The following USP9X variants were observed in gnomAD, a reference collection of about 807,000 sequenced individuals.
The protein encoded by USP9X is ubiquitin carboxyl-terminal hydrolase 9X.
In USP9X, 7 loss-of-function variants were observed where a neutral mutation model predicts 190.3. The observed-to-expected ratio is 0.04, with a 90% CI of 0.02 to 0.07. USP9X has a LOEUF of 0.07. USP9X is among the 10% of genes least tolerant of loss of function. USP9X has a pLI of 1.00. For synonymous variants in USP9X, 645 were observed against 659.5 expected, an observed-to-expected ratio of 0.98 and a Z score of 0.34; for missense variants, 1,010 against 1,916.9, an observed-to-expected ratio of 0.53 and a Z score of 8.83.
rs1394718832 is a variant in USP9X at position 41,189,487 on chromosome X, T to C, written c.3977+12T>C. ...CACTGTCACAGCAAGTAAGTATCTT[T>C]TTTAATTGTAAGAAACTTACTTTTT... On this transcript the variant is annotated intron_variant, in intron 26 of 44. Coordinates refer to ENST00000378308, the MANE Select transcript of USP9X (RefSeq NM_001039591.3). The C allele has an allele frequency of 5.0e-5, 59 of 1,175,764 alleles. No homozygotes were observed. The highest frequency in any genetic ancestry group is 6.5e-5 in the Non-Finnish European group (57 of 876,942).
In USP9X at chrX:41,156,759, G is replaced by A. The variant is rs150096147; in HGVS notation, c.1897+3678G>A. Among the ~76,000 whole-genome samples, 6 of 112,038 alleles carry A rather than the reference G, an allele frequency of 5.4e-5. No homozygotes were observed. The East Asian group carries it at 1.7e-3, about 31-fold the overall frequency. On this transcript the variant is annotated intron_variant, in intron 14 of 44. Transcript: ENST00000378308. Reference sequence around the variant, plus strand: ...GAGAGAGAAGGTGTGAGGATGCTGTGCTCAGCAGTTGTGCTTGAAGGGACC... The same window carrying A: ...GAGAGAGAAGGTGTGAGGATGCTGTACTCAGCAGTTGTGCTTGAAGGGACC...
chrX:41,115,243 A>T (rs950248423), intron 1 of USP9X, among the ~76,000 whole-genome samples: 1 of 37,979 alleles, frequency 2.6e-5, no homozygotes, highest in African/African-American at 6.5e-5. Flanking sequence ...AAAGAAAAAG[A>T]AAAAAAAAAA....
rs764593855 is a variant in USP9X, at chrX:41,143,356, T to C, written c.1227T>C (p.Tyr409=). The stretch of plus-strand genomic sequence containing the variant: ...GAGATAGTCTTCATCAGCCACAGTA[T>C]GTAGAAAAGTTAGAGAAGATTCTTC... ...VLRDSLHQPQ[Y]VEKLEKILRF... Residue 409 remains tyrosine, a synonymous_variant, in exon 10 of 45, where the codon TAT becomes TAC. Transcript: ENST00000378308. 86 of 1,203,067 alleles carry C rather than the reference T, an allele frequency of 7.1e-5. No individual in the cohort carries two copies. The highest frequency in any genetic ancestry group is 1.7e-5 in the African/African-American group (1 of 57,155).
intron 9 of USP9X, 126 bp from the exon 10 acceptor site, chrX:41,143,162 ATAT>A (rs1252077852): frequency 2.2e-6 from 1 of 462,631 alleles, no homozygotes; most frequent in Non-Finnish European, 3.2e-6. Flanking sequence ...ACACATAAGT[ATAT>A]TTTACCAGTA....
chrX:41,164,013 C>T (rs1397044363), intron 15 of USP9X, among the ~76,000 whole-genome samples: 2 of 111,267 alleles, frequency 1.8e-5, no homozygotes, highest in African/African-American at 6.5e-5. Flanking sequence ...ACTGGGACTA[C>T]AGGCATGCGC....
Position 41,123,708 on chromosome X carries a change from C to T in USP9X, c.80C>T (p.Pro27Leu), listed in dbSNP as rs200078810. 1 of 1,211,137 alleles carries T rather than the reference C, an allele frequency of 8.3e-7. No homozygotes were observed. Among genetic ancestry groups the T allele is most frequent in the Non-Finnish European group, 1.1e-6 (1 of 895,091 alleles). ...GCTCCTGATGGACAGTCTCAGCCCC[C>T]CCTCCAACAGAATCAGGTAGGATGT... ...GQAPDGQSQP[P>L]LQQNQTSSPD... The change falls in exon 2 of 45, where the codon CCC (proline) becomes CTC (leucine). Residue 27 changes from proline (P) to leucine (L), a missense_variant. Coordinates refer to ENST00000378308, the MANE Select transcript of USP9X (RefSeq NM_001039591.3).
At chrX:41,192,415 T>C (rs1055726628) in intron 26 of USP9X, among the ~76,000 whole-genome samples, 1 of 108,733 alleles carries the variant, frequency 9.2e-6, no homozygotes, top group Non-Finnish European at 1.9e-5. Flanking sequence ...TTAAATTCTT[T>C]TAGATAAACG....
Position 41,166,217 on chromosome X carries a change from A to G in USP9X, c.2328+3A>G, listed in dbSNP as rs1415791249. 8.8e-7 allele frequency: 1 copy of G among 1,141,936 alleles called. No individual in the cohort carries two copies. The highest frequency in any genetic ancestry group is 1.2e-6 in the Non-Finnish European group (1 of 851,961). The allele number at this position is 1,141,936 out of a possible 1,213,427, so 94.1% of individuals were successfully genotyped here. The stretch of plus-strand genomic sequence containing the variant: ...TAGGATTAGATTACCTTTGGAGGGT[A>G]AGTCAAAAGTAGGAACTCTGTAAAT... On this transcript the variant is annotated splice_donor_region_variant and intron_variant, in intron 16 of 44. Transcript: ENST00000378308.
At chrX:41,188,172 A>G in intron 25 of USP9X, 55 bp downstream of exon 25, 1 of 1,085,051 alleles carries the variant, frequency 9.2e-7, no homozygotes, top group South Asian at 2.5e-5. Flanking sequence ...TTAATTGTGC[A>G]TGTGGTTTGA....
chrX:41,154,884 A>G (rs766111080), intron 14 of USP9X, among the ~76,000 whole-genome samples: 28 of 111,525 alleles, frequency 2.5e-4, no homozygotes, highest in Non-Finnish European at 4.1e-4. Context: ...GTCTGGAGAT[A>G]GTTAAATATG....
intron 14 of USP9X, among the ~76,000 whole-genome samples, chrX:41,159,881 G>GTCTCCCTTT (rs1328486559): frequency 1.8e-5 from 2 of 110,890 alleles, no homozygotes; most frequent in African/African-American, 6.6e-5. Context: ...AAAGGGAGAG[G>GTCTCCCTTT]GTGGTTTGTA....
Position 41,199,138 on chromosome X carries a change from C to T in USP9X, c.4603+388C>T, listed in dbSNP as rs776186231. 6.4e-5 allele frequency among the ~76,000 whole-genome samples: 7 copies of T among 109,903 alleles called. 1 individual carries two copies. The highest frequency in any genetic ancestry group is 2.9e-4 in the East Asian group (1 of 3,442). On this transcript the variant is annotated intron_variant, in intron 30 of 44. Transcript: ENST00000378308. ...GGTGGAGGTTGCAGTGAGCCGAGAT[C>T]GCGCCACTGCACTCCATCCTGGGTG...
intron 1 of USP9X, among the ~76,000 whole-genome samples, chrX:41,099,425 T>G (rs769528292): frequency 9.0e-6 from 1 of 111,085 alleles, no homozygotes; most frequent in South Asian, 3.8e-4. Context: ...TTGTACCAGT[T>G]TAAACTCCTA....
At chrX:41,099,478 T>C (rs373729344) in intron 1 of USP9X, among the ~76,000 whole-genome samples, 1 of 111,354 alleles carries the variant, frequency 9.0e-6, no homozygotes, top group Non-Finnish European at 1.9e-5. Context: ...ATACTTAGTA[T>C]TATTATCAGT....
At chrX:41,086,249 G>T in intron 1 of USP9X, 140 bp downstream of exon 1, 1 of 279,397 alleles carries the variant, frequency 3.6e-6, no homozygotes, top group Non-Finnish European at 6.3e-6. Flanking sequence ...GGGCTTCCCC[G>T]TTCCCCCTCC....
At chrX:41,192,595 A>G (rs1226951109) in intron 26 of USP9X, among the ~76,000 whole-genome samples, 1 of 111,742 alleles carries the variant, frequency 8.9e-6, no homozygotes, top group Non-Finnish European at 1.9e-5. Context: ...GTCAAGGATA[A>G]TACTGTACAG....
Position 41,235,884 on chromosome X carries a change from C to T in USP9X, c.*3360C>T, listed in dbSNP as rs1248947449. 1 of 111,910 alleles carries T rather than the reference C, an allele frequency of 8.9e-6. No homozygotes were observed. Among genetic ancestry groups the T allele is most frequent in the African/African-American group, 3.2e-5 (1 of 30,793 alleles). The allele number at this position is 111,910 out of a possible 1,213,427, so 9.2% of individuals were successfully genotyped here. On this transcript the variant is annotated 3_prime_UTR_variant, in exon 45 of 45. Coordinates refer to ENST00000378308, the MANE Select transcript of USP9X (RefSeq NM_001039591.3). The stretch of plus-strand genomic sequence containing the variant: ...AAGATGAGGAGACTTTTTTGACTTA[C>T]ATTTGTAAATGAAAACAAGTCTGTG...
chrX:41,231,965 C>T (rs146113892), intron 44 of USP9X, among the ~76,000 whole-genome samples: 2 of 111,672 alleles, frequency 1.8e-5, no homozygotes, highest in Non-Finnish European at 3.8e-5. Context: ...TTCAGGGTTA[C>T]TGCTCCTATA....
chrX:41,100,703 A>G (rs766733822), intron 1 of USP9X, among the ~76,000 whole-genome samples: 60 of 111,052 alleles, frequency 5.4e-4, no homozygotes, highest in Admixed American at 5.4e-3. Flanking sequence ...CTGGAGTGCA[A>G]TGGCGTGATC....
Sources: gnomAD v4.1 joint callset for allele counts (sites outside exome capture counted in the v4.1 genomes callset) on GRCh38, gnomAD v4.1.1 for gene constraint, MANE v1.5 for transcripts, NCBI Gene and HGNC (gene_info 2026-07-23, HGNC 2026-07-21) for gene names.